Variants in AFAP1 observed in about 807,000 individuals in gnomAD.
The protein encoded by AFAP1 is actin filament-associated protein 1.
A neutral mutation model predicts 93.9 loss-of-function variants in AFAP1; 75 were observed. The ratio of observed to expected loss-of-function variants is 0.80; its 90% CI spans 0.66 to 0.97. The LOEUF is 0.97. Among genes scored for constraint, AFAP1 ranks in the 50% least tolerant of loss-of-function variants. The pLI, the probability that AFAP1 is intolerant of heterozygous loss-of-function variation, is 0.00. For missense variants in AFAP1, 1,201 were observed against 1,050.8 expected, an observed-to-expected ratio of 1.14 and a Z score of -1.98; for synonymous variants, 517 against 430.7, an observed-to-expected ratio of 1.20 and a Z score of -2.48.
chr4:7,917,010 T>A (rs1472385537), intron 1 of AFAP1, among the ~76,000 whole-genome samples: 1 of 152,190 alleles, frequency 6.6e-6, no homozygotes, highest in Non-Finnish European at 1.5e-5. Flanking sequence ...GTTCTCTCTC[T>A]CTCTCTCAGG....
chr4:7,905,932 G>A (rs964394349), intron 1 of AFAP1, among the ~76,000 whole-genome samples: 4 of 152,340 alleles, frequency 2.6e-5, no homozygotes, highest in East Asian at 3.9e-4. Context: ...TCCGCAGGGG[G>A]ACACGCATGC....
intron 7 of AFAP1, among the ~76,000 whole-genome samples, chr4:7,818,262 T>C (rs1720660925): frequency 6.6e-6 from 1 of 152,220 alleles, no homozygotes; most frequent in African/African-American, 2.4e-5. Context: ...GGTCTCCGCC[T>C]GCGGCCCACA....
At chr4:7,835,071 G>A in intron 6 of AFAP1, among the ~76,000 whole-genome samples, 1 of 89,478 alleles carries the variant, frequency 1.1e-5, no homozygotes, top group South Asian at 5.5e-4. Context: ...GCTCTTGAAT[G>A]GACTGCGGGC....
chr4:7,886,514 T>A (rs1394779934), intron 1 of AFAP1, among the ~76,000 whole-genome samples: 1 of 152,172 alleles, frequency 6.6e-6, no homozygotes, highest in African/African-American at 2.4e-5. Context: ...ATATTCTAGG[T>A]CCTGGGAATG....
intron 11 of AFAP1, among the ~76,000 whole-genome samples, chr4:7,787,836 T>A (rs570197228): frequency 1.3e-5 from 2 of 152,268 alleles, no homozygotes; most frequent in South Asian, 4.1e-4. Context: ...TGTGGCTTCC[T>A]GCGCTCGGTC....
At chr4:7,922,214 A>G (rs1216178615) in intron 1 of AFAP1, among the ~76,000 whole-genome samples, 3 of 152,252 alleles carry the variant, frequency 2.0e-5, no homozygotes, top group Admixed American at 1.3e-4. Context: ...TCCATCGCTC[A>G]TATTACATAT....
At chr4:7,813,960 G>C (rs896023944) in intron 8 of AFAP1, among the ~76,000 whole-genome samples, 1 of 152,146 alleles carries the variant, frequency 6.6e-6, no homozygotes, top group African/African-American at 2.4e-5. Flanking sequence ...TTACTCAGCT[G>C]AGCAGCCAAG....
chr4:7,774,357 T>G, intron 15 of AFAP1: 1 of 206,164 alleles, frequency 4.9e-6, no homozygotes, highest in South Asian at 1.1e-4. Flanking sequence ...TGGGCTACCC[T>G]CTGTAGAGAA....
chr4:7,771,868 G>A (rs990889311), intron 16 of AFAP1, among the ~76,000 whole-genome samples: 1 of 152,130 alleles, frequency 6.6e-6, no homozygotes, highest in African/African-American at 2.4e-5. Context: ...AGGGATGGGG[G>A]GATGGGAGAG....
At chr4:7,847,659 C>T (rs1713877654) in intron 4 of AFAP1, among the ~76,000 whole-genome samples, 1 of 152,136 alleles carries the variant, frequency 6.6e-6, no homozygotes, top group Admixed American at 6.5e-5. Flanking sequence ...AGGTCATAAA[C>T]GTTTTGTGAA....
intron 13 of AFAP1, among the ~76,000 whole-genome samples, chr4:7,780,921 T>C (rs907727138): frequency 2.0e-5 from 3 of 152,196 alleles, no homozygotes; most frequent in African/African-American, 7.2e-5. Context: ...AGACTTGTCA[T>C]GGAGAAACAC....
At chr4:7,922,122 G>GA (rs1370416148) in intron 1 of AFAP1, among the ~76,000 whole-genome samples, 4 of 151,850 alleles carry the variant, frequency 2.6e-5, no homozygotes, top group Admixed American at 2.0e-4. Flanking sequence ...GGAAAAAAAA[G>GA]AAAAAAAACT....
At chr4:7,845,430 ATTACT>A (rs72332559) in intron 4 of AFAP1, among the ~76,000 whole-genome samples, 46,352 of 151,410 alleles carry the variant, frequency 0.31, 8,749 homozygotes, top group Non-Finnish European at 0.44. Context: ...TATTATTATT[ATTACT>A]TTAAGTCCAG....
chr4:7,914,243 C>T lies in AFAP1; in HGVS notation c.-3+25413G>A, dbSNP rs530576968. ...CTAATTTTTGTATTTTTAGTAGAGA[C>T]GGGGTTTCGCCACGTTGGCCAGGCT... is the stretch of plus-strand genomic sequence containing the variant. On this transcript the variant is annotated intron_variant, in intron 1 of 17. Coordinates refer to ENST00000420658, the MANE Select transcript of AFAP1 (RefSeq NM_001134647.2). Among the ~76,000 whole-genome samples, 8 of 152,022 alleles carry T rather than the reference C, an allele frequency of 5.3e-5. No homozygotes were observed. In the South Asian group the frequency reaches 1.5e-3, roughly 28 times the overall value.
chr4:7,913,086 G>C (rs1719858804), intron 1 of AFAP1, among the ~76,000 whole-genome samples: 1 of 152,140 alleles, frequency 6.6e-6, no homozygotes, highest in Non-Finnish European at 1.5e-5. Context: ...CTAGGCTCAA[G>C]TCATCATCCC....
At chr4:7,855,212 GT>G (rs1299159417) in intron 4 of AFAP1, among the ~76,000 whole-genome samples, 2 of 152,240 alleles carry the variant, frequency 1.3e-5, no homozygotes, top group East Asian at 3.8e-4. Flanking sequence ...GCTGATACCT[GT>G]TGCCACAGCA....
chr4:7,798,986 A>G (rs781199814), intron 10 of AFAP1: 16 of 986,286 alleles, frequency 1.6e-5, no homozygotes, highest in Non-Finnish European at 1.9e-5. Context: ...TGTTACATCA[A>G]GAGTACAGTT....
chr4:7,933,863 G>T (rs141602737), intron 1 of AFAP1, among the ~76,000 whole-genome samples: 56 of 152,330 alleles, frequency 3.7e-4, no homozygotes, highest in African/African-American at 1.2e-3. Flanking sequence ...TTTTTGCCCA[G>T]TGACACCCAC....
At chr4:7,927,610 A>G (rs1720840203) in intron 1 of AFAP1, among the ~76,000 whole-genome samples, 1 of 152,172 alleles carries the variant, frequency 6.6e-6, no homozygotes, top group African/African-American at 2.4e-5. Context: ...GGATCACTTG[A>G]GCCCAGGAGT....
Sources: gnomAD v4.1 joint callset for allele counts (sites outside exome capture counted in the v4.1 genomes callset) on GRCh38, gnomAD v4.1.1 for gene constraint, MANE v1.5 for transcripts, NCBI Gene and HGNC (gene_info 2026-07-23, HGNC 2026-07-21) for gene names.